The following ASPSCR1 variants were observed in gnomAD, a reference collection of about 807,000 sequenced individuals.
ASPSCR1 encodes ASPSCR1 tether for SLC2A4, UBX domain containing, also known as tether containing UBX domain for GLUT4.
In ASPSCR1, 55 loss-of-function variants were observed where a neutral mutation model predicts 68.9. That is an observed-to-expected ratio of 0.80 (90% CI 0.64 to 1.00). The LOEUF (loss-of-function observed/expected upper bound fraction) is 1.00, where lower values mean the gene tolerates loss of function less well. Ranked by LOEUF, ASPSCR1 falls within the 50% of genes least tolerant of loss-of-function variation. The pLI is 0.00. For synonymous variants in ASPSCR1, 352 were observed against 332.6 expected, an observed-to-expected ratio of 1.06 and a Z score of -0.63; for missense variants, 765 against 762.2, an observed-to-expected ratio of 1.00 and a Z score of -0.04.
At chr17:81,980,504 G>C (rs2041761584) in intron 2 of ASPSCR1, among the ~76,000 whole-genome samples, 1 of 152,232 alleles carries the variant, frequency 6.6e-6, no homozygotes, top group Non-Finnish European at 1.5e-5. Context: ...TTCTGCCCCA[G>C]ACCTTCACAC....
intron 10 of ASPSCR1, among the ~76,000 whole-genome samples, chr17:82,011,268 C>T (rs2042928616): frequency 6.6e-6 from 1 of 151,746 alleles, no homozygotes; most frequent in East Asian, 1.9e-4. Flanking sequence ...AGGGGCCTCC[C>T]CCAGGGAAAG....
intron 7 of ASPSCR1, among the ~76,000 whole-genome samples, chr17:82,002,291 C>T (rs951908349): frequency 2.1e-4 from 32 of 151,316 alleles, no homozygotes; most frequent in South Asian, 6.2e-4. Context: ...GACAGTCTCG[C>T]GCTGTCACCC....
chr17:82,015,101 A>G, intron 12 of ASPSCR1: 1 of 1,598,038 alleles, frequency 6.3e-7, no homozygotes, highest in Non-Finnish European at 8.5e-7. Context: ...GGGTGGCTCC[A>G]TTCACCCTGG....
At chr17:82,009,840 C>T in intron 9 of ASPSCR1, 1 of 291,324 alleles carries the variant, frequency 3.4e-6, no homozygotes, top group Non-Finnish European at 6.6e-6. Context: ...CAGCTCTGAG[C>T]AGGGCCCCCC....
chr17:82,001,202 C>T (rs926245241), intron 7 of ASPSCR1, among the ~76,000 whole-genome samples: 6 of 152,178 alleles, frequency 3.9e-5, no homozygotes, highest in Non-Finnish European at 8.8e-5. Flanking sequence ...GTGGTGAATA[C>T]ACCCTGCCTG....
intron 9 of ASPSCR1, 98 bp from the exon 10 acceptor site, chr17:82,010,704 G>C (rs1157875942): frequency 7.7e-7 from 1 of 1,307,126 alleles, no homozygotes; most frequent in Non-Finnish European, 1.1e-6. Flanking sequence ...CCTCAGCCCT[G>C]GTGTCCATGG....
intron 11 of ASPSCR1, among the ~76,000 whole-genome samples, 193 bp downstream of exon 11, chr17:82,011,798 G>C (rs2042957199): frequency 6.6e-6 from 1 of 152,134 alleles, no homozygotes; most frequent in Non-Finnish European, 1.5e-5. Flanking sequence ...CCCCGAGCCA[G>C]GCGGTGGGAG....
chr17:81,977,632 T>C lies in ASPSCR1; in HGVS notation c.-15T>C, dbSNP rs1489654319. The C allele has an allele frequency of 1.4e-6, 2 of 1,379,638 alleles. No homozygotes were observed. The highest frequency in any genetic ancestry group is 9.4e-7 in the Non-Finnish European group (1 of 1,064,004). 85.5% of individuals were successfully genotyped at this position (1,379,638 alleles called of 1,614,324 possible). ...TGTTTGACGCCGGCCCGGCGGCGGG[T>C]CACGTGAGCGGAAAATGGCGGCCCC... On this transcript the variant is annotated 5_prime_UTR_variant, in exon 1 of 16. Transcript: ENST00000306739. This position sits in a 1 kb window ranked among gnomAD's most constrained non-coding sequence, Gnocchi z 5.0.
At chr17:81,995,903 TG>T in intron 5 of ASPSCR1, 88 bp from the exon 6 acceptor site, 2 of 1,313,212 alleles carry the variant, frequency 1.5e-6, no homozygotes, top group Non-Finnish European at 2.1e-6. Flanking sequence ...ACGTGGCCTG[TG>T]GTCCTGGTGG....
intron 12 of ASPSCR1, chr17:82,016,227 C>G (rs2043121066): frequency 1.8e-6 from 1 of 554,568 alleles, no homozygotes; most frequent in Non-Finnish European, 3.2e-6. Context: ...ACCCTCGAGG[C>G]CCCAGCCTTC....
Position 81,979,148 on chromosome 17 carries a change from A to G in ASPSCR1, c.103-36A>G, listed in dbSNP as rs748463491. On this transcript the variant is annotated intron_variant, in intron 1 of 15. Coordinates refer to ENST00000306739, the MANE Select transcript of ASPSCR1 (RefSeq NM_024083.4). Reference sequence around the variant, plus strand: ...CCCACTGCGCCCGCCAGCCCTGCACACTCAGCAGTTCACCATCCTTTCATC... The same window carrying G: ...CCCACTGCGCCCGCCAGCCCTGCACGCTCAGCAGTTCACCATCCTTTCATC... The G allele has an allele frequency of 3.7e-6, 6 of 1,611,952 alleles. No homozygotes were observed. The Admixed American group carries it at 6.7e-5, about 18-fold the overall frequency.
chr17:81,995,783 G>T (rs533554498), intron 5 of ASPSCR1, among the ~76,000 whole-genome samples: 4 of 152,364 alleles, frequency 2.6e-5, no homozygotes, highest in East Asian at 1.9e-4. Context: ...TCAGGCATGG[G>T]CAGCAGGTCC....
chr17:81,996,459 A>G lies in ASPSCR1; in HGVS notation c.546A>G (p.Pro182=), dbSNP rs2042343346. The part of the protein sequence containing the change: ...MKCYDPVGKT[P]GSLGSSASAG... Reference sequence around the variant, plus strand: ...GCTACGACCCCGTGGGCAAGACCCCAGGAAGCCTGGGCTCGTCAGCGTCGG... The same window carrying G: ...GCTACGACCCCGTGGGCAAGACCCCGGGAAGCCTGGGCTCGTCAGCGTCGG... The change falls in exon 7 of 16, where the codon CCA becomes CCG. Residue 182 remains proline (P), a synonymous_variant. Transcript: ENST00000306739. The G allele has an allele frequency of 1.2e-6, 2 of 1,606,612 alleles. No homozygotes were observed. Among genetic ancestry groups the G allele is most frequent in the South Asian group, 2.2e-5 (2 of 90,802 alleles).
chr17:82,010,514 G>GCC (rs1405379972), intron 9 of ASPSCR1, among the ~76,000 whole-genome samples: 2 of 145,576 alleles, frequency 1.4e-5, no homozygotes, highest in African/African-American at 5.1e-5. Context: ...GGGCGACAGA[G>GCC]TGAGACTCCA....
intron 9 of ASPSCR1, among the ~76,000 whole-genome samples, chr17:82,010,528 CAAAA>C (rs1193895939): frequency 1.4e-4 from 8 of 57,180 alleles, no homozygotes; most frequent in South Asian, 5.6e-4. Flanking sequence ...GACTCCATCT[CAAAA>C]AAAAAAAAAA....
At chr17:82,017,274 G>A in intron 15 of ASPSCR1, 35 bp from the exon 16 acceptor site, 1 of 1,610,046 alleles carries the variant, frequency 6.2e-7, no homozygotes, top group Non-Finnish European at 8.5e-7. Context: ...TGAGAGCCCG[G>A]GGTGTGTGGT....
chr17:82,011,068 C>T, intron 10 of ASPSCR1, among the ~76,000 whole-genome samples, 200 bp downstream of exon 10: 1 of 152,184 alleles, frequency 6.6e-6, no homozygotes, highest in East Asian at 1.9e-4. Flanking sequence ...GGCGCTTGCT[C>T]CAGGTGCCCG....
At chr17:82,010,072 C>T (rs751377065) in intron 9 of ASPSCR1, 2 of 324,864 alleles carry the variant, frequency 6.2e-6, no homozygotes, top group Admixed American at 4.8e-5. Context: ...ACCACTAGCT[C>T]GGCTAATTTT....
At chr17:82,011,239 G>A (rs577962454) in intron 10 of ASPSCR1, among the ~76,000 whole-genome samples, 4 of 151,734 alleles carry the variant, frequency 2.6e-5, no homozygotes, top group South Asian at 2.1e-4. Context: ...ACGGCCGGGC[G>A]GCAGCAGCCC....
Sources: gnomAD v4.1 joint callset for allele counts (sites outside exome capture counted in the v4.1 genomes callset) on GRCh38, gnomAD v4.1.1 for gene constraint, Gnocchi (gnomAD v3.1) non-coding constraint, MANE v1.5 for transcripts, NCBI Gene and HGNC (gene_info 2026-07-23, HGNC 2026-07-21) for gene names.